Variants in PTK2 observed in about 807,000 individuals in gnomAD.
PTK2 encodes the protein focal adhesion kinase 1.
A neutral mutation model predicts 150.1 loss-of-function variants in PTK2; 45 were observed. That is an observed-to-expected ratio of 0.30 (90% CI 0.24 to 0.38). The LOEUF (loss-of-function observed/expected upper bound fraction) is 0.38, where lower values mean the gene tolerates loss of function less well. PTK2 is among the 10% of genes least tolerant of loss of function. The pLI, the probability that PTK2 is intolerant of heterozygous loss-of-function variation, is 1.00. For missense variants in PTK2, 919 were observed against 1,307.3 expected (o/e 0.70, Z 4.58); for synonymous variants, 432 against 449.2 (o/e 0.96, Z 0.48).
chr8:140,781,639 T>C lies in PTK2; in HGVS notation c.1177+7835A>G, dbSNP rs562926074. 3.9e-5 allele frequency among the ~76,000 whole-genome samples: 6 copies of C among 152,320 alleles called. No individual in the cohort carries two copies. The South Asian group carries it at 1.2e-3, about 32-fold the overall frequency. On this transcript the variant is annotated intron_variant, in intron 14 of 31. Transcript: ENST00000522684. ...CTTTTCATTTGGCCTTTTTAAAAAT[T>C]TGAAAGTGCCTCAGGCTACCCCTTG...
chr8:140,673,564 T>G (rs1026077903), intron 29 of PTK2, among the ~76,000 whole-genome samples: 1 of 152,084 alleles, frequency 6.6e-6, no homozygotes, highest in African/African-American at 2.4e-5. Flanking sequence ...TCATTTTAAG[T>G]GGAAAGTAAA....
intron 27 of PTK2, chr8:140,675,797 G>T (rs2100013264): frequency 4.1e-6 from 1 of 246,818 alleles, no homozygotes. Flanking sequence ...TGAGGAGAAT[G>T]TAAATTAGTA....
chr8:140,891,608 G>A (rs944394479), intron 2 of PTK2, among the ~76,000 whole-genome samples: 1 of 152,154 alleles, frequency 6.6e-6, no homozygotes, highest in African/African-American at 2.4e-5. Context: ...ACAAGAAAAG[G>A]CTACGAATGG....
intron 4 of PTK2, among the ~76,000 whole-genome samples, chr8:140,873,512 C>CTGGAG (rs1391291312): frequency 1.3e-5 from 2 of 152,052 alleles, no homozygotes; most frequent in Non-Finnish European, 2.9e-5. Context: ...GTCGCCTAGG[C>CTGGAG]TGGAGTGGAG....
intron 1 of PTK2, among the ~76,000 whole-genome samples, chr8:140,979,070 T>C (rs2100190414): frequency 8.3e-6 from 1 of 121,040 alleles, no homozygotes; most frequent in African/African-American, 3.3e-5. Flanking sequence ...TGAGAACACA[T>C]GGACACAGGA....
intron 16 of PTK2, among the ~76,000 whole-genome samples, chr8:140,754,332 T>C (rs1450560538): frequency 6.6e-6 from 1 of 152,264 alleles, no homozygotes; most frequent in Non-Finnish European, 1.5e-5. Flanking sequence ...GTATCTGTGC[T>C]AAAATATAAC....
intron 1 of PTK2, among the ~76,000 whole-genome samples, chr8:140,944,602 G>A (rs909434208): frequency 1.3e-5 from 2 of 152,192 alleles, no homozygotes; most frequent in African/African-American, 4.8e-5. Flanking sequence ...ACACATGACA[G>A]CGATTACGAT....
At chr8:140,900,910 C>G (rs2100158193) in intron 2 of PTK2, among the ~76,000 whole-genome samples, 1 of 151,718 alleles carries the variant, frequency 6.6e-6, no homozygotes, top group Admixed American at 6.6e-5. Context: ...AAAAAAAATC[C>G]TAAAATTTAT....
chr8:140,768,264 C>G (rs1374831157), intron 14 of PTK2, among the ~76,000 whole-genome samples: 1 of 152,234 alleles, frequency 6.6e-6, no homozygotes, highest in African/African-American at 2.4e-5. Context: ...ATGGGCCTTA[C>G]TGACCAAGAC....
rs374126544 is a variant in PTK2 at position 140,929,256 on chromosome 8, C to T, written c.-121-3507G>A. ...CTGGGATTACAGGCGTGAGCCACCG[C>T]GCCCGGCCACAATTTTTTAACTTAA... On this transcript the variant is annotated intron_variant, in intron 1 of 31. Coordinates refer to ENST00000522684, the Ensembl canonical transcript of PTK2. Among the ~76,000 whole-genome samples, 19 of 152,120 alleles carry T rather than the reference C, an allele frequency of 1.2e-4. No individual in the cohort carries two copies. The South Asian group carries it at 1.7e-3, about 13-fold the overall frequency.
intron 22 of PTK2, among the ~76,000 whole-genome samples, chr8:140,730,891 T>C (rs1451253492): frequency 4.6e-5 from 7 of 151,868 alleles, no homozygotes; most frequent in African/African-American, 1.5e-4. Flanking sequence ...AGCTGTTTAT[T>C]ATGGTTTCCC....
In PTK2 at chr8:140,667,583, G is replaced by A. The variant is rs577301153; in HGVS notation, c.2865+686C>T. 3.2e-4 allele frequency among the ~76,000 whole-genome samples: 48 copies of A among 152,054 alleles called. 1 individual carries two copies. The Middle Eastern group carries it at 0.014, about 43-fold the overall frequency. ...CCCAAAGTTCTGGGATTATGGGCATGAGCCACCACACTCAGCCCCTAGTGT... is the reference window on the plus strand; with the variant it reads ...CCCAAAGTTCTGGGATTATGGGCATAAGCCACCACACTCAGCCCCTAGTGT... On this transcript the variant is annotated intron_variant, in intron 30 of 31. Transcript: ENST00000522684.
Position 140,684,642 on chromosome 8 carries a change from T to C in PTK2, c.2562+1990A>G, listed in dbSNP as rs144971078. On this transcript the variant is annotated intron_variant, in intron 27 of 31. Coordinates refer to ENST00000522684, the Ensembl canonical transcript of PTK2. Reference sequence around the variant, plus strand: ...CACACACACAAAATACCCAGGAATATAGCTAACCAGGGAGGTGAAAGATCT... The same window carrying C: ...CACACACACAAAATACCCAGGAATACAGCTAACCAGGGAGGTGAAAGATCT... 2.5e-3 allele frequency among the ~76,000 whole-genome samples: 388 copies of C among 152,276 alleles called. 1 individual carries two copies. The highest frequency in any genetic ancestry group is 3.5e-3 in the Non-Finnish European group (241 of 68,012).
chr8:140,905,922 G>C (rs1304902852), intron 2 of PTK2, among the ~76,000 whole-genome samples: 1 of 151,866 alleles, frequency 6.6e-6, no homozygotes, highest in Non-Finnish European at 1.5e-5. Context: ...ATGACTACTG[G>C]GTAAATAAGA....
At chr8:140,972,141 C>G (rs528119039) in intron 1 of PTK2, among the ~76,000 whole-genome samples, 2 of 152,220 alleles carry the variant, frequency 1.3e-5, no homozygotes, top group South Asian at 4.2e-4. Context: ...ATAGCAAACA[C>G]TAAGTTCAAA....
chr8:140,942,565 T>TA (rs2100176193), intron 1 of PTK2, among the ~76,000 whole-genome samples: 1 of 152,310 alleles, frequency 6.6e-6, no homozygotes, highest in Admixed American at 6.5e-5. Flanking sequence ...TGGTGGTACC[T>TA]AATCCAGACA....
intron 5 of PTK2, among the ~76,000 whole-genome samples, chr8:140,860,306 A>G (rs2100135311): frequency 6.6e-6 from 1 of 152,204 alleles, no homozygotes; most frequent in Non-Finnish European, 1.5e-5. Context: ...TTTTGAATAA[A>G]TTCATAAAAG....
chr8:140,953,972 T>A (rs1206517400), intron 1 of PTK2, among the ~76,000 whole-genome samples: 3 of 47,842 alleles, frequency 6.3e-5, no homozygotes, highest in Non-Finnish European at 2.2e-4. Flanking sequence ...TGGTCTGAAT[T>A]TTTTTTTTTT....
At chr8:140,811,704 A>G (rs10106514) in intron 10 of PTK2, among the ~76,000 whole-genome samples, 3,688 of 152,336 alleles carry the variant, frequency 0.024, 157 homozygotes, top group African/African-American at 0.085. Flanking sequence ...AAAAATAGCC[A>G]GAATAGAAAA....
Sources: gnomAD v4.1 joint callset for allele counts (sites outside exome capture counted in the v4.1 genomes callset) on GRCh38, gnomAD v4.1.1 for gene constraint, MANE v1.5 for transcripts, NCBI Gene and HGNC (gene_info 2026-07-23, HGNC 2026-07-21) for gene names.